Variants in STAC2 observed in about 807,000 individuals in gnomAD.
STAC2 encodes SH3 and cysteine-rich domain-containing protein 2.
A neutral mutation model predicts 49.0 loss-of-function variants in STAC2; 36 were observed. The observed-to-expected ratio is 0.74, with a 90% CI of 0.56 to 0.97. The LOEUF is 0.97. STAC2 is among the 50% of genes least tolerant of loss of function. The pLI, the probability that STAC2 is intolerant of heterozygous loss-of-function variation, is 0.00. For missense variants in STAC2, 527 were observed against 543.8 expected (o/e 0.97, Z 0.31); for synonymous variants, 239 against 214.7 (o/e 1.11, Z -0.99).
intron 1 of STAC2, 137 bp from the exon 2 acceptor site, chr17:39,218,310 A>T: frequency 1.2e-6 from 1 of 867,548 alleles, no homozygotes; most frequent in Admixed American, 2.3e-5. Context: ...GCCAGAGCGA[A>T]ATGAAACAGC....
At position 39,216,820 on chromosome 17, in the gene STAC2, G is replaced by A. The variant is rs1463797636; in HGVS notation, c.576C>T (p.Ser192=). 1 of 1,592,868 alleles carries A rather than the reference G, an allele frequency of 6.3e-7. No homozygotes were observed. Among genetic ancestry groups the A allele is most frequent in the South Asian group, 1.1e-5 (1 of 87,522 alleles). Residue 192 remains serine (S), a synonymous_variant, in exon 4 of 11, where the codon TCC becomes TCT. Transcript: ENST00000333461. ...AGGGGGGGCACTCACCAGTGGGTGG[G>A]GACTCTTTGCTTGTGGCACAGACTG... The part of the protein sequence containing the change: ...PPPVCATSKE[S]PPTGDSGKVD...
intron 4 of STAC2, among the ~76,000 whole-genome samples, chr17:39,215,553 T>C (rs1336586392): frequency 6.6e-6 from 1 of 152,198 alleles, no homozygotes; most frequent in Non-Finnish European, 1.5e-5. Context: ...GCAACTGTCA[T>C]GGCCTTTCAA....
At chr17:39,220,795 C>CTTAT (rs1048028585) in intron 1 of STAC2, among the ~76,000 whole-genome samples, 2 of 148,636 alleles carry the variant, frequency 1.3e-5, no homozygotes, top group African/African-American at 2.5e-5. Context: ...TTTTATTTTA[C>CTTAT]TTATTTATTT....
Position 39,215,236 on chromosome 17 carries a change from G to T in STAC2, c.587-6C>A. The T allele has an allele frequency of 6.2e-7, 1 of 1,613,784 alleles. No homozygotes were observed. The highest frequency in any genetic ancestry group is 8.5e-7 in the Non-Finnish European group (1 of 1,179,848). ...GTCCACCTTCCCACTGTCCCCTGCA[G>T]ATTATCCACCCTCAAGGCCTGGCTC... is the stretch of plus-strand genomic sequence containing the variant. On this transcript the variant is annotated splice_polypyrimidine_tract_variant and splice_region_variant and intron_variant, in intron 4 of 10. Coordinates refer to ENST00000333461, the MANE Select transcript of STAC2 (RefSeq NM_198993.5).
intron 1 of STAC2, among the ~76,000 whole-genome samples, chr17:39,222,025 C>G (rs2046467919): frequency 6.6e-6 from 1 of 152,196 alleles, no homozygotes; most frequent in Non-Finnish European, 1.5e-5. Flanking sequence ...CAAAGTGCTT[C>G]CCCATATAGA....
chr17:39,214,131 C>T, intron 8 of STAC2, 102 bp downstream of exon 8: 1 of 1,339,516 alleles, frequency 7.5e-7, no homozygotes, highest in Non-Finnish European at 1.0e-6. Context: ...GCTCAGCAGC[C>T]TCAAGCATGC....
chr17:39,213,968 C>T lies in STAC2; in HGVS notation c.941+265G>A, dbSNP rs1030690132. Among the ~76,000 whole-genome samples the T allele has an allele frequency of 5.9e-5, 9 of 152,230 alleles. No individual in the cohort carries two copies. In the South Asian group the frequency reaches 1.5e-3, roughly 25 times the overall value. On this transcript the variant is annotated intron_variant, in intron 8 of 10. Transcript: ENST00000333461. ...CTGGGATTACAAGGGTGAGCCACCGCGCCCCGCTGGGAGAGGATTCTTGAT... is the reference window on the plus strand; with the variant it reads ...CTGGGATTACAAGGGTGAGCCACCGTGCCCCGCTGGGAGAGGATTCTTGAT...
intron 1 of STAC2, among the ~76,000 whole-genome samples, chr17:39,223,182 T>C (rs901607800): frequency 3.9e-5 from 6 of 152,202 alleles, no homozygotes; most frequent in African/African-American, 1.4e-4. Flanking sequence ...CCCCCTCTGT[T>C]GTACCTGCCT....
At chr17:39,222,881 G>A (rs2046475788) in intron 1 of STAC2, among the ~76,000 whole-genome samples, 1 of 152,178 alleles carries the variant, frequency 6.6e-6, no homozygotes, top group South Asian at 2.1e-4. Flanking sequence ...GAAAGGGCAT[G>A]AGGCATCTGG....
rs757928183 is a variant in STAC2, at chr17:39,215,273, C to T, written c.587-43G>A. 8 of 1,601,116 alleles carry T rather than the reference C, an allele frequency of 5.0e-6. No individual in the cohort carries two copies. The East Asian group carries it at 1.3e-4, about 27-fold the overall frequency. Reference sequence around the variant, plus strand: ...TCAAGGCCTGGCTCTGCCTCAAAGCCCTGCATCTCTAGTCCCGGCTCAGCA... The same window carrying T: ...TCAAGGCCTGGCTCTGCCTCAAAGCTCTGCATCTCTAGTCCCGGCTCAGCA... On this transcript the variant is annotated intron_variant, in intron 4 of 10. Transcript: ENST00000333461.
Position 39,212,298 on chromosome 17 carries a change from C to A in STAC2, c.1230G>T (p.Glu410Asp). Residue 410 changes from glutamate (E) to aspartate (D), a missense_variant, in exon 11 of 11, where the codon GAG (glutamate) becomes GAT (aspartate). Glu to Asp is a conservative substitution (Grantham distance 45, BLOSUM62 2). Coordinates refer to ENST00000333461, the MANE Select transcript of STAC2 (RefSeq NM_198993.5). ...RGLVPVDALTEI is the reference protein window; with the variant it reads ...RGLVPVDALTDI ...TGGGTTCCCTTGGCTCCTCTCAGATCTCAGTCAGGGCGTCGACTGGCACCA... is the reference window on the plus strand; with the variant it reads ...TGGGTTCCCTTGGCTCCTCTCAGATATCAGTCAGGGCGTCGACTGGCACCA... 6.2e-7 allele frequency: 1 copy of A among 1,608,358 alleles called. No homozygotes were observed. The highest frequency in any genetic ancestry group is 8.5e-7 in the Non-Finnish European group (1 of 1,176,958).
chr17:39,217,751 T>G, intron 2 of STAC2, 116 bp downstream of exon 2: 2 of 1,030,210 alleles, frequency 1.9e-6, no homozygotes, highest in Non-Finnish European at 2.8e-6. Flanking sequence ...AGAGGCACAA[T>G]TAGTATTGGG....
intron 2 of STAC2, 133 bp downstream of exon 2, chr17:39,217,734 G>T: frequency 1.2e-6 from 1 of 848,214 alleles, no homozygotes; most frequent in Non-Finnish European, 1.8e-6. Flanking sequence ...AAAAAAAAAA[G>T]AGGCACAGAG....
intron 1 of STAC2, among the ~76,000 whole-genome samples, chr17:39,220,673 T>A (rs761992233): frequency 2.0e-5 from 3 of 151,648 alleles, no homozygotes; most frequent in Non-Finnish European, 4.4e-5. Context: ...GGGGTTTCAC[T>A]GTGTTAGCCA....
chr17:39,213,202 G>A (rs1328351065), intron 9 of STAC2, 70 bp from the exon 10 acceptor site: 2 of 1,583,682 alleles, frequency 1.3e-6, no homozygotes, highest in Non-Finnish European at 1.7e-6. Flanking sequence ...GCTTTCTCCA[G>A]ACCCGGTTCC....
rs971791662 is a variant in STAC2, at chr17:39,216,894, A to T, written c.502T>A (p.Ser168Thr). 6.9e-6 allele frequency: 11 copies of T among 1,601,026 alleles called. No homozygotes were observed. In the African/African-American group the frequency reaches 1.5e-4, roughly 21 times the overall value. The change falls in exon 4 of 11, where the codon TCC becomes ACC. Residue 168 changes from serine to threonine, a missense_variant. By Grantham distance (58) the Ser-to-Thr change is moderately conservative. Coordinates refer to ENST00000333461, the MANE Select transcript of STAC2 (RefSeq NM_198993.5). ...GGGGAACTGAAGTTGCGGCGGAAGG[A>T]GGTGGACTATGGCAAGAGAGGGCAG... ...HQQCPGKTST[S>T]FRRNFSSPLL...
chr17:39,221,358 C>T (rs899117875), intron 1 of STAC2, among the ~76,000 whole-genome samples: 1 of 152,182 alleles, frequency 6.6e-6, no homozygotes, highest in African/African-American at 2.4e-5. Flanking sequence ...CTTGGCCTCC[C>T]AAAGTGCTGG....
rs1250138560 is a variant in STAC2 at position 39,212,396 on chromosome 17, T to C, written c.1132A>G (p.Ile378Val). ...QGYMSLKENQICVGVGRSKDA... is the reference protein window; with the variant it reads ...QGYMSLKENQVCVGVGRSKDA... Reference sequence around the variant, plus strand: ...TTGCTTCTGCCCACGCCCACGCAGATCTGAGCCAGAGAGACATGGAGCTGA... The same window carrying C: ...TTGCTTCTGCCCACGCCCACGCAGACCTGAGCCAGAGAGACATGGAGCTGA... Residue 378 changes from isoleucine (I) to valine (V), a missense_variant and splice_region_variant, in exon 11 of 11, where the codon ATC becomes GTC. By Grantham distance (29) the Ile-to-Val change is conservative (BLOSUM62 3). Coordinates refer to ENST00000333461, the MANE Select transcript of STAC2 (RefSeq NM_198993.5). 8.1e-6 allele frequency: 13 copies of C among 1,604,020 alleles called. No individual in the cohort carries two copies. The highest frequency in any genetic ancestry group is 1.7e-4 in the Middle Eastern group (1 of 6,046).
intron 1 of STAC2, among the ~76,000 whole-genome samples, chr17:39,224,956 G>A (rs2046497644): frequency 1.3e-5 from 2 of 152,210 alleles, no homozygotes; most frequent in Admixed American, 6.5e-5. Context: ...GGAGAGACGG[G>A]GAGAGACGCA....
Sources: allele counts gnomAD v4.1 joint callset (sites outside exome capture counted in the v4.1 genomes callset), GRCh38; gene constraint gnomAD v4.1.1; transcripts MANE v1.5; gene names NCBI Gene and HGNC (gene_info 2026-07-23, HGNC 2026-07-21).